The following RP1L1 variants were observed in gnomAD, a reference collection of about 807,000 sequenced individuals.
RP1L1 encodes RP1 like 1.
RP1L1 carries 27 observed loss-of-function variants against 15.7 expected under a neutral mutation model. The observed-to-expected ratio is 1.72, with a 90% confidence interval of 1.27 to 2.38. The LOEUF (loss-of-function observed/expected upper bound fraction) is 2.38. Ranked by LOEUF, RP1L1 falls within the 30% of genes most tolerant of loss-of-function variation. The pLI is 0.00. For missense variants in RP1L1, 4,798 were observed against 3,075.9 expected, an observed-to-expected ratio of 1.56 and a Z score of -13.24; for synonymous variants, 1,813 against 1,276.7, an observed-to-expected ratio of 1.42 and a Z score of -8.96.
intron 3 of RP1L1, among the ~76,000 whole-genome samples, chr8:10,613,600 C>CAA (rs71203341): frequency 0.016 from 1,020 of 61,820 alleles, no homozygotes; most frequent in Middle Eastern, 0.021. Context: ...ACCATCTCTC[C>CAA]AAAAAAAAAA....
chr8:10,642,380 G>A (rs1466697099), intron 1 of RP1L1, among the ~76,000 whole-genome samples: 1 of 152,160 alleles, frequency 6.6e-6, no homozygotes. Flanking sequence ...TCATTTTGAA[G>A]AGCTTCTAGG....
chr8:10,632,131 G>C (rs904723768), intron 1 of RP1L1, among the ~76,000 whole-genome samples: 4 of 152,152 alleles, frequency 2.6e-5, no homozygotes, highest in African/African-American at 9.7e-5. Flanking sequence ...AAGAGGCTTC[G>C]GGTGAAGGCA....
chr8:10,649,275 G>A (rs1798524458), intron 1 of RP1L1, among the ~76,000 whole-genome samples: 2 of 152,168 alleles, frequency 1.3e-5, no homozygotes, highest in Admixed American at 6.5e-5. Flanking sequence ...TTGTACTCAT[G>A]GCCATTACAG....
chr8:10,611,924 C>T lies in RP1L1; in HGVS notation c.2174G>A (p.Gly725Asp), dbSNP rs529460241. The change falls in exon 4 of 4, where the codon GGC becomes GAC. Residue 725 changes from glycine (G) to aspartate (D), a missense_variant. By Grantham distance (94) the Gly-to-Asp change is moderately conservative. Coordinates refer to ENST00000382483, the MANE Select transcript of RP1L1 (RefSeq NM_178857.6). Reference sequence around the variant, plus strand: ...CAGAAGGTCCTGGGAAGGAAGAGAGCCCGAGGAGGGAGGTCTCAGGTTCCC... The same window carrying T: ...CAGAAGGTCCTGGGAAGGAAGAGAGTCCGAGGAGGGAGGTCTCAGGTTCCC... Reference protein sequence around the residue: ...ASGNLRPPSSGSLPSQDLLGT... With the variant: ...ASGNLRPPSSDSLPSQDLLGT... The T allele has an allele frequency of 3.7e-6, 6 of 1,613,868 alleles. No individual in the cohort carries two copies. The highest frequency in any genetic ancestry group is 5.1e-6 in the Non-Finnish European group (6 of 1,180,024).
At chr8:10,616,657 G>C in intron 2 of RP1L1, 70 bp from the exon 3 acceptor site, 1 of 1,517,190 alleles carries the variant, frequency 6.6e-7, no homozygotes, top group Non-Finnish European at 8.8e-7. Context: ...GCCTGGGGGA[G>C]GAAGGATCCA....
chr8:10,630,396 G>A (rs902189443), intron 1 of RP1L1, among the ~76,000 whole-genome samples: 15 of 152,240 alleles, frequency 9.9e-5, no homozygotes, highest in African/African-American at 3.1e-4. Flanking sequence ...TCCTACACAC[G>A]CAGAGAGCTG....
intron 1 of RP1L1, among the ~76,000 whole-genome samples, chr8:10,627,828 A>C (rs941250202): frequency 2.0e-5 from 3 of 152,176 alleles, no homozygotes; most frequent in Non-Finnish European, 4.4e-5. Flanking sequence ...TCTGGGCAGT[A>C]AATTCAGATG....
Position 10,611,324 on chromosome 8 carries a change from T to C in RP1L1, c.2774A>G (p.Glu925Gly). 2 of 1,612,766 alleles carry C rather than the reference T, an allele frequency of 1.2e-6. No homozygotes were observed. The highest frequency in any genetic ancestry group is 2.2e-5 in the South Asian group (2 of 91,084). Reference protein sequence around the residue: ...QGAGSRGLSEEKTLRSGGGPQ... With the variant: ...QGAGSRGLSEGKTLRSGGGPQ... ...GCCTCCCCCACTCCTCAAGGTCTTC[T>C]CCTCGGACAGCCCCCGAGACCCCGC... Residue 925 changes from glutamate (E) to glycine (G), a missense_variant, in exon 4 of 4, where the codon GAG becomes GGG. Coordinates refer to ENST00000382483, the MANE Select transcript of RP1L1 (RefSeq NM_178857.6).
chr8:10,641,290 G>A (rs1798402391), intron 1 of RP1L1, among the ~76,000 whole-genome samples: 1 of 152,174 alleles, frequency 6.6e-6, no homozygotes, highest in African/African-American at 2.4e-5. Context: ...GAATAGGAGA[G>A]CCCAAATCCT....
Position 10,610,118 on chromosome 8 carries a change from G to A in RP1L1, c.3980C>T (p.Thr1327Ile), listed in dbSNP as rs143544262. Residue 1327 changes from threonine to isoleucine, a missense_variant, in exon 4 of 4, where the codon ACA (threonine) becomes ATA (isoleucine). Thr to Ile is a moderately conservative substitution (Grantham distance 89, BLOSUM62 -1). Transcript: ENST00000382483. ...CCCCTCTTCTTGCAGCCCTTCTTCT[G>A]TTTTAGTTTCCTCTAACTGCACCGC... Reference protein sequence around the residue: ...EEAVQLEETKTEEGLQEEGVQ... With the variant: ...EEAVQLEETKIEEGLQEEGVQ... 48,801 of 985,004 alleles carry A rather than the reference G, an allele frequency of 0.05. 2,707 individuals are homozygous for A. Among genetic ancestry groups the A allele is most frequent in the South Asian group, 0.066 (4,649 of 69,968 alleles). 61.0% of individuals were successfully genotyped at this position (985,004 alleles called of 1,614,324 possible).
In RP1L1 at chr8:10,609,237, C is replaced by A; in HGVS notation, c.4861G>T (p.Glu1621Ter). Residue 1621 changes from glutamate (E) to a stop codon, truncating the protein, a stop_gained, in exon 4 of 4, where the codon GAG becomes TAG. Coordinates refer to ENST00000382483, the MANE Select transcript of RP1L1 (RefSeq NM_178857.6). LOFTEE classifies it low-confidence loss of function (END_TRUNC). ...AGGGGCCCCAGGCCCAGGGTCCGCT[C>A]AGAGAAGGCCGAGAGGTTTCGCAGG... ...RGLRNLSAFS[E>*]RTLGLGPLSF... 6.2e-7 allele frequency: 1 copy of A among 1,609,284 alleles called. No homozygotes were observed. Among genetic ancestry groups the A allele is most frequent in the Non-Finnish European group, 8.5e-7 (1 of 1,179,810 alleles).
chr8:10,643,704 G>T (rs541635865), intron 1 of RP1L1, among the ~76,000 whole-genome samples: 1 of 152,048 alleles, frequency 6.6e-6, no homozygotes. Flanking sequence ...CACCAGGAAA[G>T]AGAAGATCCT....
Position 10,610,510 on chromosome 8 carries a change from T to C in RP1L1, c.3588A>G (p.Thr1196=), listed in dbSNP as rs2117199803. 1 of 1,613,720 alleles carries C rather than the reference T, an allele frequency of 6.2e-7. No homozygotes were observed. The highest frequency in any genetic ancestry group is 8.5e-7 in the Non-Finnish European group (1 of 1,180,014). The change falls in exon 4 of 4, where the codon ACA becomes ACG. Residue 1196 remains threonine (T), a synonymous_variant. Coordinates refer to ENST00000382483, the MANE Select transcript of RP1L1 (RefSeq NM_178857.6). ...TGCTGATGTCCACACCAGAGGAGGA[T>C]GTGGGCGTGAAGTTCTCCGTCATGG... The part of the protein sequence containing the change: ...SHAMTENFTP[T]SSSGVDISSG...
At chr8:10,642,781 C>T (rs547767342) in intron 1 of RP1L1, among the ~76,000 whole-genome samples, 1 of 152,200 alleles carries the variant, frequency 6.6e-6, no homozygotes, top group African/African-American at 2.4e-5. Context: ...TAAGTCTGCA[C>T]AATCAAAAGA....
At position 10,611,930 on chromosome 8, in the gene RP1L1, G is replaced by A. The variant is rs1294580500; in HGVS notation, c.2168C>T (p.Ser723Phe). 1.9e-6 allele frequency: 3 copies of A among 1,613,806 alleles called. No homozygotes were observed. The African/African-American group carries it at 4.0e-5, about 22-fold the overall frequency. Residue 723 changes from serine to phenylalanine, a missense_variant, in exon 4 of 4, where the codon TCC becomes TTC. Transcript: ENST00000382483. ...GTCCTGGGAAGGAAGAGAGCCCGAG[G>A]AGGGAGGTCTCAGGTTCCCAGAGGC... ...TQASGNLRPPSSGSLPSQDLL... is the reference protein window; with the variant it reads ...TQASGNLRPPFSGSLPSQDLL...
chr8:10,650,846 C>G (rs1422876360), intron 1 of RP1L1, among the ~76,000 whole-genome samples: 1 of 152,200 alleles, frequency 6.6e-6, no homozygotes, highest in South Asian at 2.1e-4. Context: ...GGATTACAGG[C>G]ATGAGCCACC....
chr8:10,609,066 C>T lies in RP1L1; in HGVS notation c.5032G>A (p.Ala1678Thr), dbSNP rs374478682. 11 of 1,613,702 alleles carry T rather than the reference C, an allele frequency of 6.8e-6. No homozygotes were observed. The highest frequency in any genetic ancestry group is 2.7e-5 in the African/African-American group (2 of 74,936). ...SPMSPKATMGATRGPIKEAFD... is the reference protein window; with the variant it reads ...SPMSPKATMGTTRGPIKEAFD... ...GCCTCTTTGATGGGACCTCTGGTTGCCCCCATTGTGGCCTTGGGGGACATA... is the reference window on the plus strand; with the variant it reads ...GCCTCTTTGATGGGACCTCTGGTTGTCCCCATTGTGGCCTTGGGGGACATA... Residue 1678 changes from alanine (A) to threonine (T), a missense_variant, in exon 4 of 4, where the codon GCA becomes ACA. Ala to Thr is a moderately conservative substitution (Grantham distance 58). Coordinates refer to ENST00000382483, the MANE Select transcript of RP1L1 (RefSeq NM_178857.6).
intron 1 of RP1L1, among the ~76,000 whole-genome samples, chr8:10,641,707 TA>T (rs1585998705): frequency 1.3e-5 from 2 of 152,204 alleles, no homozygotes; most frequent in Non-Finnish European, 2.9e-5. Context: ...CAAAAACTTG[TA>T]AAAAAGTATT....
rs116085264 is a variant in RP1L1, at chr8:10,646,537, A to C, written c.-20+8361T>G. 3.5e-4 allele frequency among the ~76,000 whole-genome samples: 54 copies of C among 152,274 alleles called. 1 individual carries two copies. The highest frequency in any genetic ancestry group is 1.6e-3 in the Admixed American group (25 of 15,296). On this transcript the variant is annotated intron_variant, in intron 1 of 3. Transcript: ENST00000382483. ...GCCCTAGAAACACCCAGGGAATTCC[A>C]GGTCCCCAGTGTGGGCTCCAGACAG...
Sources: gnomAD v4.1 joint callset for allele counts (sites outside exome capture counted in the v4.1 genomes callset) on GRCh38, gnomAD v4.1.1 for gene constraint, MANE v1.5 for transcripts, NCBI Gene and HGNC (gene_info 2026-07-23, HGNC 2026-07-21) for gene names.